The following DGKH variants were observed in gnomAD, a reference collection of about 807,000 sequenced individuals.
The protein encoded by DGKH is DAG kinase eta.
A neutral mutation model predicts 159.3 loss-of-function variants in DGKH; 90 were observed. The observed-to-expected ratio is 0.57, with a 90% CI of 0.48 to 0.67. The LOEUF is 0.67. DGKH is among the 30% of genes least tolerant of loss of function. The pLI, the probability that DGKH is intolerant of heterozygous loss-of-function variation, is 0.00. For synonymous variants in DGKH, 536 were observed against 553.8 expected, an observed-to-expected ratio of 0.97 and a Z score of 0.45; for missense variants, 1,181 against 1,506.1, an observed-to-expected ratio of 0.78 and a Z score of 3.57.
intron 1 of DGKH, among the ~76,000 whole-genome samples, chr13:42,049,355 C>T (rs1881088083): frequency 6.6e-6 from 1 of 152,134 alleles, no homozygotes; most frequent in Non-Finnish European, 1.5e-5. Context: ...CGCGCAGTCG[C>T]GAGTTCCTAC....
intron 1 of DGKH, among the ~76,000 whole-genome samples, chr13:42,068,397 G>A (rs1455397994): frequency 6.6e-6 from 1 of 152,170 alleles, no homozygotes; most frequent in Admixed American, 6.5e-5. Flanking sequence ...AGTGCGTTTT[G>A]TGAAGCACTA....
At chr13:42,193,117 C>T (rs1236345211) in intron 16 of DGKH, among the ~76,000 whole-genome samples, 1 of 152,106 alleles carries the variant, frequency 6.6e-6, no homozygotes, top group Non-Finnish European at 1.5e-5. Flanking sequence ...GATAAGCAGG[C>T]CTTTGATGTT....
chr13:42,061,717 A>G (rs931068027), intron 1 of DGKH, among the ~76,000 whole-genome samples: 1 of 152,198 alleles, frequency 6.6e-6, no homozygotes, highest in Admixed American at 6.5e-5. Flanking sequence ...GACTTTGCCC[A>G]TTACTGGTGG....
chr13:42,144,102 G>A (rs886846302), intron 3 of DGKH, among the ~76,000 whole-genome samples: 6 of 152,168 alleles, frequency 3.9e-5, no homozygotes, highest in African/African-American at 1.4e-4. Context: ...GCTCTGAAGA[G>A]TTTTAATATC....
At chr13:42,050,480 G>A (rs1881194578) in intron 1 of DGKH, among the ~76,000 whole-genome samples, 1 of 152,204 alleles carries the variant, frequency 6.6e-6, no homozygotes, top group South Asian at 2.1e-4. Context: ...TAGGGATTCA[G>A]TCACTTTAGT....
chr13:42,181,229 A>G (rs1291993359), intron 13 of DGKH, among the ~76,000 whole-genome samples: 2 of 135,062 alleles, frequency 1.5e-5, no homozygotes, highest in East Asian at 5.2e-4. Flanking sequence ...GTGAGCGGAG[A>G]TTGCGCCACT....
At chr13:42,174,374 G>A (rs1956548451) in intron 12 of DGKH, among the ~76,000 whole-genome samples, 1 of 152,144 alleles carries the variant, frequency 6.6e-6, no homozygotes, top group South Asian at 2.1e-4. Context: ...GGAGTGCCCA[G>A]TCACTCCTCT....
chr13:42,069,061 A>T (rs1267750410), intron 1 of DGKH: 6 of 1,421,326 alleles, frequency 4.2e-6, no homozygotes, highest in Non-Finnish European at 6.0e-6. Context: ...AAACTGCGGG[A>T]TGCCTATTGG....
intron 1 of DGKH, among the ~76,000 whole-genome samples, chr13:42,127,100 C>T (rs566304020): frequency 2.1e-4 from 32 of 152,254 alleles, no homozygotes; most frequent in African/African-American, 7.5e-4. Flanking sequence ...AGGAGGTGAA[C>T]CCAAGGTTTC....
intron 7 of DGKH, 54 bp downstream of exon 7, chr13:42,160,190 TG>T: frequency 6.2e-7 from 1 of 1,612,354 alleles, no homozygotes; most frequent in Non-Finnish European, 8.5e-7. Context: ...TCCCTAACTT[TG>T]TCATCCACGT....
chr13:42,169,540 T>A (rs1183664346), intron 11 of DGKH, among the ~76,000 whole-genome samples: 1 of 152,138 alleles, frequency 6.6e-6, no homozygotes, highest in African/African-American at 2.4e-5. Context: ...CAACCCCCAA[T>A]GTCAGTAGAA....
intron 26 of DGKH, among the ~76,000 whole-genome samples, chr13:42,218,391 A>AT (rs1449796403): frequency 6.7e-6 from 1 of 150,292 alleles, no homozygotes; most frequent in Non-Finnish European, 1.5e-5. Flanking sequence ...AAGATTCATG[A>AT]TTTTTTACCC....
downstream of DGKH, among the ~76,000 whole-genome samples, chr13:42,245,138 A>T (rs1020064791): frequency 3.3e-5 from 5 of 152,166 alleles, no homozygotes; most frequent in African/African-American, 1.2e-4. Flanking sequence ...GTGGGCTTGC[A>T]TTAGTTCTAA....
chr13:42,221,845 G>T (rs1462108717), intron 29 of DGKH, among the ~76,000 whole-genome samples: 2 of 152,160 alleles, frequency 1.3e-5, no homozygotes, highest in Non-Finnish European at 2.9e-5. Flanking sequence ...TACAGCAATG[G>T]CTACTTAGAA....
At chr13:42,102,955 A>C (rs1954679246) in intron 1 of DGKH, among the ~76,000 whole-genome samples, 1 of 152,182 alleles carries the variant, frequency 6.6e-6, no homozygotes, top group Non-Finnish European at 1.5e-5. Flanking sequence ...GAGAGTACAG[A>C]ATGTTTAGAA....
At chr13:42,165,036 C>T (rs985436564) in intron 7 of DGKH, among the ~76,000 whole-genome samples, 33 of 152,182 alleles carry the variant, frequency 2.2e-4, no homozygotes, top group African/African-American at 7.7e-4. Flanking sequence ...TGCCTCCCTT[C>T]CTCTGCACTT....
chr13:42,249,821 C>A (rs557311354), intron 29 of DGKH, among the ~76,000 whole-genome samples: 1 of 151,882 alleles, frequency 6.6e-6, no homozygotes, highest in South Asian at 2.1e-4. Context: ...CAGGAACCAC[C>A]CTGGACCTAC....
intron 1 of DGKH, among the ~76,000 whole-genome samples, chr13:42,108,414 A>T (rs1954801353): frequency 6.6e-6 from 1 of 152,196 alleles, no homozygotes; most frequent in South Asian, 2.1e-4. Flanking sequence ...GTGAGGTCAT[A>T]GGAAGAGGAG....
chr13:42,168,624 A>C (rs1369763455), intron 10 of DGKH, 55 bp from the exon 11 acceptor site: 2 of 1,613,320 alleles, frequency 1.2e-6, no homozygotes, highest in African/African-American at 1.3e-5. Flanking sequence ...GCAGAAATGC[A>C]GTAGTCCCTA....
Sources: gnomAD v4.1 joint callset for allele counts (sites outside exome capture counted in the v4.1 genomes callset) on GRCh38, gnomAD v4.1.1 for gene constraint, MANE v1.5 for transcripts, NCBI Gene and HGNC (gene_info 2026-07-23, HGNC 2026-07-21) for gene names.